NINL: variants seen among roughly 807,000 people sequenced by gnomAD.
The protein encoded by NINL is ninein-like protein.
Under a neutral mutation model 160.3 loss-of-function variants are expected in NINL, and 153 were observed. The ratio of observed to expected loss-of-function variants is 0.95; its 90% CI spans 0.84 to 1.09. The LOEUF (loss-of-function observed/expected upper bound fraction) is 1.09, where lower values mean the gene tolerates loss of function less well. Among genes scored for constraint, NINL ranks in the 50% least tolerant of loss-of-function variants. NINL has a pLI of 0.00. For synonymous variants in NINL, 800 were observed against 734.8 expected, an observed-to-expected ratio of 1.09 and a Z score of -1.43; for missense variants, 1,829 against 1,764.0, an observed-to-expected ratio of 1.04 and a Z score of -0.66.
chr20:25,461,197 G>A (rs1030795045), intron 21 of NINL, among the ~76,000 whole-genome samples: 3 of 152,210 alleles, frequency 2.0e-5, no homozygotes, highest in African/African-American at 7.2e-5. Flanking sequence ...CAGGGCTGGA[G>A]CCTGCTGCCT....
At chr20:25,526,371 C>T (rs1317543172) in intron 2 of NINL, 37 bp downstream of exon 2, 3 of 1,570,278 alleles carry the variant, frequency 1.9e-6, no homozygotes, top group Non-Finnish European at 2.6e-6. Context: ...CTATAGACCC[C>T]GTGCTTTCCT....
Position 25,458,543 on chromosome 20 carries a change from G to A in NINL, c.3697-14C>T, listed in dbSNP as rs778393138. 5 of 1,574,232 alleles carry A rather than the reference G, an allele frequency of 3.2e-6. No homozygotes were observed. The East Asian group carries it at 1.1e-4, about 36-fold the overall frequency. The stretch of plus-strand genomic sequence containing the variant: ...AGCTCCCTGCACCTGCATGGGGAAG[G>A]GGAGACAGCTCTGGTGGGGCTGCTG... On this transcript the variant is annotated splice_polypyrimidine_tract_variant and intron_variant, in intron 21 of 23. Transcript: ENST00000278886.
Position 25,453,348 on chromosome 20 carries a change from G to A in NINL, c.*103C>T. On this transcript the variant is annotated 3_prime_UTR_variant, in exon 24 of 24. Transcript: ENST00000278886. ...GGTGAACAAAGAATCCCAATCCTCA[G>A]ATGTCCCAGGACTCATGGCTCATGA... 1.0e-6 allele frequency: 1 copy of A among 1,002,090 alleles called. No individual in the cohort carries two copies. The highest frequency in any genetic ancestry group is 1.5e-6 in the Non-Finnish European group (1 of 682,256). The allele number at this position is 1,002,090 out of a possible 1,614,324, so 62.1% of individuals were successfully genotyped here.
intron 3 of NINL, among the ~76,000 whole-genome samples, chr20:25,517,485 T>C (rs1243386198): frequency 2.0e-5 from 3 of 152,230 alleles, no homozygotes; most frequent in African/African-American, 7.2e-5. Context: ...GCCCTGTCCC[T>C]GTAACAGGAT....
chr20:25,550,243 C>T (rs2064789965), intron 1 of NINL, among the ~76,000 whole-genome samples: 1 of 152,190 alleles, frequency 6.6e-6, no homozygotes. Flanking sequence ...GGCATGGTGG[C>T]ATGTGCCTGT....
intron 13 of NINL, among the ~76,000 whole-genome samples, chr20:25,484,902 G>A (rs147066065): frequency 3.3e-5 from 5 of 152,300 alleles, no homozygotes; most frequent in East Asian, 1.9e-4. Flanking sequence ...GGTGATTACC[G>A]AGCAGAGAAA....
chr20:25,585,038 G>A (rs1007276807), intron 1 of NINL, among the ~76,000 whole-genome samples: 1 of 152,222 alleles, frequency 6.6e-6, no homozygotes, highest in African/African-American at 2.4e-5. Context: ...AGACGCCGGC[G>A]GCGTCAGGAG....
At chr20:25,539,329 C>A (rs536698874) in intron 1 of NINL, among the ~76,000 whole-genome samples, 1 of 152,354 alleles carries the variant, frequency 6.6e-6, no homozygotes, top group East Asian at 1.9e-4. Flanking sequence ...GACTCCACAG[C>A]CACGGAGAAC....
At chr20:25,566,560 T>C (rs1299167902) in intron 1 of NINL, among the ~76,000 whole-genome samples, 3 of 151,996 alleles carry the variant, frequency 2.0e-5, no homozygotes, top group African/African-American at 7.3e-5. Context: ...GTGGACAACA[T>C]ACAAAAAGAT....
intron 4 of NINL, among the ~76,000 whole-genome samples, chr20:25,512,030 C>T (rs936411170): frequency 6.6e-6 from 1 of 152,184 alleles, no homozygotes; most frequent in Non-Finnish European, 1.5e-5. Context: ...GGACCTGCCC[C>T]ATGGACATAT....
chr20:25,504,768 T>G, intron 6 of NINL, 120 bp downstream of exon 6: 3 of 1,048,408 alleles, frequency 2.9e-6, no homozygotes, highest in Non-Finnish European at 4.1e-6. Flanking sequence ...CCAAAGGATT[T>G]TAGATTAGAA....
chr20:25,553,924 T>C (rs1600332195), intron 1 of NINL, among the ~76,000 whole-genome samples: 1 of 152,370 alleles, frequency 6.6e-6, no homozygotes, highest in East Asian at 1.9e-4. Flanking sequence ...TCTTGTTGTC[T>C]GAGGTTCAGA....
chr20:25,507,980 A>G (rs1240632785), intron 5 of NINL, among the ~76,000 whole-genome samples: 1 of 152,136 alleles, frequency 6.6e-6, no homozygotes, highest in African/African-American at 2.4e-5. Context: ...AGGAACCCCA[A>G]CCTGGTTGGG....
chr20:25,551,444 A>G (rs890361596), intron 1 of NINL, among the ~76,000 whole-genome samples: 1 of 152,352 alleles, frequency 6.6e-6, no homozygotes, highest in South Asian at 2.1e-4. Context: ...ACAGATGTAG[A>G]AAAAAGAAGG....
intron 1 of NINL, among the ~76,000 whole-genome samples, chr20:25,566,720 G>A (rs1304504901): frequency 3.9e-5 from 6 of 152,170 alleles, no homozygotes; most frequent in African/African-American, 1.4e-4. Context: ...CTGGAGCCCA[G>A]GAGTTTGAGG....
At chr20:25,453,921 G>A (rs1400355616) in intron 23 of NINL, among the ~76,000 whole-genome samples, 7 of 152,002 alleles carry the variant, frequency 4.6e-5, no homozygotes, top group Non-Finnish European at 1.0e-4. Flanking sequence ...GCGTGGTGGC[G>A]GGCGCCTGTA....
chr20:25,563,458 G>A (rs1164239068), intron 1 of NINL, among the ~76,000 whole-genome samples: 2 of 152,160 alleles, frequency 1.3e-5, no homozygotes, highest in Non-Finnish European at 2.9e-5. Context: ...ATGGAATACT[G>A]AGAAACATTC....
intron 1 of NINL, among the ~76,000 whole-genome samples, chr20:25,574,002 G>A (rs1048308030): frequency 3.9e-5 from 6 of 152,146 alleles, no homozygotes; most frequent in Admixed American, 6.5e-5. Flanking sequence ...AACCAATAAG[G>A]GAAAGAAACC....
chr20:25,529,006 G>T (rs1600282264), intron 1 of NINL, among the ~76,000 whole-genome samples: 1 of 152,322 alleles, frequency 6.6e-6, no homozygotes, highest in East Asian at 1.9e-4. Context: ...GGAAGTTGGA[G>T]TCAGAAAAAG....
Sources: gnomAD v4.1 joint callset for allele counts (sites outside exome capture counted in the v4.1 genomes callset) on GRCh38, gnomAD v4.1.1 for gene constraint, MANE v1.5 for transcripts, NCBI Gene and HGNC (gene_info 2026-07-23, HGNC 2026-07-21) for gene names.